ESRRG: variants seen among roughly 807,000 people sequenced by gnomAD.
ESRRG encodes the protein estrogen related receptor gamma, also known as estrogen-related receptor gamma.
ESRRG carries 13 observed loss-of-function variants against 44.0 expected under a neutral mutation model. That is an observed-to-expected ratio of 0.30 (90% CI 0.19 to 0.47). The LOEUF is 0.47. Ranked by LOEUF, ESRRG falls within the 20% of genes least tolerant of loss-of-function variation. The pLI, the probability that ESRRG is intolerant of heterozygous loss-of-function variation, is 1.00. For missense variants in ESRRG, 395 were observed against 580.6 expected (o/e 0.68, Z 3.29); for synonymous variants, 215 against 214.6 (o/e 1.00, Z -0.02).
chr1:216,588,058 CTG>C (rs1434067698), intron 3 of ESRRG, among the ~76,000 whole-genome samples: 3 of 152,130 alleles, frequency 2.0e-5, no homozygotes, highest in African/African-American at 4.8e-5. Context: ...GTGAATTTTT[CTG>C]TGTCTTTTTG....
At chr1:216,665,640 T>C (rs1336955346) in intron 2 of ESRRG, among the ~76,000 whole-genome samples, 1 of 152,164 alleles carries the variant, frequency 6.6e-6, no homozygotes, top group Non-Finnish European at 1.5e-5. Context: ...GAGCATATAG[T>C]TAACACTAAT....
chr1:216,691,479 T>C (rs1387032083), intron 1 of ESRRG, among the ~76,000 whole-genome samples: 3 of 152,200 alleles, frequency 2.0e-5, no homozygotes, highest in Admixed American at 2.0e-4. Flanking sequence ...AACACCTAGA[T>C]GACTTTCCTT....
intron 1 of ESRRG, among the ~76,000 whole-genome samples, chr1:217,102,784 C>A (rs1461928543): frequency 6.6e-6 from 1 of 152,034 alleles, no homozygotes; most frequent in East Asian, 1.9e-4. Context: ...GAGACACTGG[C>A]ACATAAACAT....
At chr1:216,849,644 G>A (rs2095811136) in intron 2 of ESRRG, among the ~76,000 whole-genome samples, 1 of 152,032 alleles carries the variant, frequency 6.6e-6, no homozygotes, top group African/African-American at 2.4e-5. Context: ...GGAACAATCT[G>A]CTTGAAAAAC....
intron 1 of ESRRG, among the ~76,000 whole-genome samples, chr1:217,029,928 A>T (rs971325158): frequency 2.0e-5 from 3 of 152,204 alleles, no homozygotes; most frequent in Non-Finnish European, 4.4e-5. Context: ...TGCTTTGATG[A>T]CACAACTAAT....
chr1:217,005,735 T>C (rs906676534), intron 1 of ESRRG, among the ~76,000 whole-genome samples: 1 of 151,782 alleles, frequency 6.6e-6, no homozygotes, highest in Non-Finnish European at 1.5e-5. Flanking sequence ...AGGAAAAAAA[T>C]TTTTAATAGT....
chr1:216,725,440 G>GA (rs34245591), upstream of ESRRG, among the ~76,000 whole-genome samples: 148 of 148,924 alleles, frequency 9.9e-4, 1 homozygote, highest in East Asian at 1.2e-3. Flanking sequence ...GACACTGAGA[G>GA]AAAAAAAAAA....
At chr1:216,971,247 G>T (rs1369356031) in intron 1 of ESRRG, among the ~76,000 whole-genome samples, 1 of 152,190 alleles carries the variant, frequency 6.6e-6, no homozygotes, top group African/African-American at 2.4e-5. Flanking sequence ...ACAATGAAGA[G>T]AATCAAAGTG....
chr1:216,966,192 C>A (rs1001399634), intron 1 of ESRRG, among the ~76,000 whole-genome samples: 1 of 152,166 alleles, frequency 6.6e-6, no homozygotes. Context: ...TAGGGACATT[C>A]TTGCATTTAT....
intron 2 of ESRRG, among the ~76,000 whole-genome samples, chr1:216,905,959 C>T (rs1342031599): frequency 6.6e-6 from 1 of 152,130 alleles, no homozygotes; most frequent in African/African-American, 2.4e-5. Context: ...CCATATTGGC[C>T]AGCCTGGTCT....
At chr1:216,527,866 G>A (rs548722398) in intron 5 of ESRRG, among the ~76,000 whole-genome samples, 3 of 152,262 alleles carry the variant, frequency 2.0e-5, no homozygotes, top group Non-Finnish European at 4.4e-5. Context: ...CCTGAAGTAA[G>A]GGAGTGGATG....
chr1:216,594,516 C>T (rs1035166111), intron 3 of ESRRG, among the ~76,000 whole-genome samples: 1 of 152,136 alleles, frequency 6.6e-6, no homozygotes, highest in Non-Finnish European at 1.5e-5. Flanking sequence ...TCAACCCTGC[C>T]TTTTAAAGTG....
chr1:216,536,265 G>A (rs929103953), intron 5 of ESRRG, among the ~76,000 whole-genome samples: 2 of 151,860 alleles, frequency 1.3e-5, no homozygotes. Context: ...TATATTTCTG[G>A]TTTTTTACAG....
chr1:217,071,516 T>G (rs1558194100), intron 1 of ESRRG, among the ~76,000 whole-genome samples: 1 of 152,216 alleles, frequency 6.6e-6, no homozygotes, highest in Non-Finnish European at 1.5e-5. Context: ...ACACATAGCC[T>G]AATGCCTGGT....
At chr1:216,631,250 G>A (rs1317634999) in intron 3 of ESRRG, among the ~76,000 whole-genome samples, 3 of 152,186 alleles carry the variant, frequency 2.0e-5, no homozygotes. Flanking sequence ...GTCACAGGAA[G>A]TTGCTACGTT....
At chr1:216,525,785 G>T (rs1283003943) in intron 5 of ESRRG, among the ~76,000 whole-genome samples, 1 of 152,130 alleles carries the variant, frequency 6.6e-6, no homozygotes, top group Admixed American at 6.5e-5. Flanking sequence ...AAGGATCTAT[G>T]CTTGAATCTG....
At chr1:216,921,476 T>C (rs1443100023) in intron 2 of ESRRG, among the ~76,000 whole-genome samples, 2 of 152,190 alleles carry the variant, frequency 1.3e-5, no homozygotes. Context: ...TGCGAACTCC[T>C]ACGAACTTGA....
At chr1:216,683,524 G>A (rs2077398899) in intron 1 of ESRRG, among the ~76,000 whole-genome samples, 1 of 152,172 alleles carries the variant, frequency 6.6e-6, no homozygotes, top group East Asian at 1.9e-4. Flanking sequence ...TGCCCTCAAA[G>A]CTGGTGCCTG....
intron 2 of ESRRG, among the ~76,000 whole-genome samples, chr1:216,876,738 A>G (rs2096361072): frequency 6.6e-6 from 1 of 152,106 alleles, no homozygotes; most frequent in Non-Finnish European, 1.5e-5. Flanking sequence ...TCATGAGATA[A>G]CTGACCTGAA....
Sources: allele counts gnomAD v4.1 joint callset (sites outside exome capture counted in the v4.1 genomes callset), GRCh38; gene constraint gnomAD v4.1.1; transcripts MANE v1.5; gene names NCBI Gene and HGNC (gene_info 2026-07-23, HGNC 2026-07-21).